Variants in ITGB8 observed in about 807,000 individuals in gnomAD.
ITGB8 encodes the protein integrin subunit beta 8.
A neutral mutation model predicts 89.5 loss-of-function variants in ITGB8; 30 were observed. The ratio of observed to expected loss-of-function variants is 0.34; its 90% CI spans 0.25 to 0.45. The LOEUF (loss-of-function observed/expected upper bound fraction) is 0.45, where lower values mean the gene tolerates loss of function less well. Among genes scored for constraint, ITGB8 ranks in the 20% least tolerant of loss-of-function variants. The pLI, the probability that ITGB8 is intolerant of heterozygous loss-of-function variation, is 1.00. For synonymous variants in ITGB8, 335 were observed against 320.4 expected (o/e 1.05, Z -0.49); for missense variants, 836 against 933.3 (o/e 0.90, Z 1.36).
Position 20,411,446 on chromosome 7 carries a change from T to G in ITGB8, c.*1449T>G, listed in dbSNP as rs573611770. 6.6e-6 allele frequency: 1 copy of G among 152,492 alleles called. No individual in the cohort carries two copies. Among genetic ancestry groups the G allele is most frequent in the Non-Finnish European group, 1.5e-5 (1 of 68,128 alleles). The allele number at this position is 152,492 out of a possible 1,614,324, so 9.4% of individuals were successfully genotyped here. A position where few individuals can be genotyped will look rare whatever the true frequency, so the allele number is the denominator to read the frequency against. On this transcript the variant is annotated 3_prime_UTR_variant, in exon 14 of 14. Transcript: ENST00000222573. Reference sequence around the variant, plus strand: ...TTGGGATTACAGGCATGAGCCACCATGCCAGGCTGCTAATTCTCCTTTTTA... The same window carrying G: ...TTGGGATTACAGGCATGAGCCACCAGGCCAGGCTGCTAATTCTCCTTTTTA...
chr7:20,387,569 A>T (rs1786678194), intron 6 of ITGB8, among the ~76,000 whole-genome samples: 1 of 152,138 alleles, frequency 6.6e-6, no homozygotes, highest in Non-Finnish European at 1.5e-5. Flanking sequence ...TCTCAACTGG[A>T]GTGATTTTAC....
chr7:20,364,137 C>T (rs1162741326), intron 2 of ITGB8, among the ~76,000 whole-genome samples: 1 of 152,076 alleles, frequency 6.6e-6, no homozygotes, highest in Non-Finnish European at 1.5e-5. Flanking sequence ...TAACAAAATT[C>T]TTAGTAAAAC....
intron 1 of ITGB8, among the ~76,000 whole-genome samples, chr7:20,353,967 A>G (rs1785205163): frequency 6.7e-6 from 1 of 148,430 alleles, no homozygotes; most frequent in African/African-American, 2.5e-5. Context: ...GAAAACGGTA[A>G]TCTGTGTTTG....
intron 3 of ITGB8, chr7:20,377,442 C>G (rs1289161619): frequency 6.6e-6 from 1 of 152,214 alleles, no homozygotes; most frequent in Non-Finnish European, 1.5e-5. Context: ...CATCAAGGTT[C>G]AAGTCCCTGA....
In ITGB8 at chr7:20,346,797, GCATGTACATTGAC is replaced by G. The variant is rs562619067; in HGVS notation, c.127+14869_127+14881del. The stretch of plus-strand genomic sequence containing the variant: ...AGGGGGCTCCACAGGCAGAGAGGAG[GCATGTACATTGAC>G]CATGACATAGGACTTTAGGAGAAAA... On this transcript the variant is annotated intron_variant, in intron 1 of 13. Transcript: ENST00000222573. 1.8e-5 allele frequency: 18 copies of G among 985,388 alleles called. No individual in the cohort carries two copies. The African/African-American group carries it at 3.0e-4, about 16-fold the overall frequency. The allele number at this position is 985,388 out of a possible 1,614,324, so 61.0% of individuals were successfully genotyped here. A position where few individuals can be genotyped will look rare whatever the true frequency, so the allele number is the denominator to read the frequency against.
chr7:20,393,377 C>T (rs904055011), intron 7 of ITGB8, among the ~76,000 whole-genome samples: 1 of 152,232 alleles, frequency 6.6e-6, no homozygotes, highest in Non-Finnish European at 1.5e-5. Context: ...ATGCATGCCC[C>T]TGTAGTCACC....
chr7:20,355,060 G>A (rs538462676), intron 1 of ITGB8, among the ~76,000 whole-genome samples: 208 of 152,294 alleles, frequency 1.4e-3, no homozygotes, highest in African/African-American at 4.6e-3. Flanking sequence ...CATTCTGGCC[G>A]TTTATGGCTC....
chr7:20,374,696 A>G (rs1786064503), intron 3 of ITGB8, among the ~76,000 whole-genome samples: 1 of 152,174 alleles, frequency 6.6e-6, no homozygotes, highest in Admixed American at 6.5e-5. Flanking sequence ...AGGAAGGACC[A>G]CAGGCAGGGC....
chr7:20,382,924 A>T (rs1424768810), intron 6 of ITGB8, among the ~76,000 whole-genome samples: 1 of 152,226 alleles, frequency 6.6e-6, no homozygotes, highest in Non-Finnish European at 1.5e-5. Flanking sequence ...ATAGAACGAA[A>T]TGTAATCTTA....
Position 20,365,359 on chromosome 7 carries a change from C to T in ITGB8, c.213+1637C>T, listed in dbSNP as rs996908833. The T allele has an allele frequency of 3.9e-5, 6 of 152,280 alleles. No individual in the cohort carries two copies. The South Asian group carries it at 1.2e-3, about 32-fold the overall frequency. The allele number at this position is 152,280 out of a possible 1,614,324, so 9.4% of individuals were successfully genotyped here. ...AATATTCTATATAGCGCAGTGCAGC[C>T]TAGTTTATGTATTGAAAGAGCAGGC... On this transcript the variant is annotated intron_variant, in intron 2 of 13. Coordinates refer to ENST00000222573, the MANE Select transcript of ITGB8 (RefSeq NM_002214.3).
intron 10 of ITGB8, among the ~76,000 whole-genome samples, chr7:20,403,760 A>G (rs1284498429): frequency 7.2e-6 from 1 of 139,502 alleles, no homozygotes; most frequent in Non-Finnish European, 1.5e-5. Flanking sequence ...AGAAGGAAGG[A>G]AGGGAGGGAA....
Position 20,346,982 on chromosome 7 carries a change from C to T in ITGB8, c.127+15049C>T. On this transcript the variant is annotated intron_variant, in intron 1 of 13. Coordinates refer to ENST00000222573, the MANE Select transcript of ITGB8 (RefSeq NM_002214.3). ...TAAAGGTGGGGCCTTTGGAAAATGACTAGGTCATGAAGATAGGACCCTGGT... is the reference window on the plus strand; with the variant it reads ...TAAAGGTGGGGCCTTTGGAAAATGATTAGGTCATGAAGATAGGACCCTGGT... 7.7e-6 allele frequency: 3 copies of T among 389,642 alleles called. No individual in the cohort carries two copies. The South Asian group carries it at 3.1e-4, about 41-fold the overall frequency. The allele number at this position is 389,642 out of a possible 1,614,324, so 24.1% of individuals were successfully genotyped here.
chr7:20,359,560 ACTGTCCGTGTCTGT>A, intron 1 of ITGB8, among the ~76,000 whole-genome samples: 1 of 152,214 alleles, frequency 6.6e-6, no homozygotes, highest in African/African-American at 2.4e-5. Flanking sequence ...CTGAAGACAG[ACTGTCCGTGTCTGT>A]AAACAGCAGT....
At chr7:20,402,872 A>T (rs1280670447) in intron 10 of ITGB8, among the ~76,000 whole-genome samples, 3 of 152,186 alleles carry the variant, frequency 2.0e-5, no homozygotes, top group Non-Finnish European at 4.4e-5. Context: ...AACTAAAACA[A>T]AATACTGTTT....
In ITGB8 at chr7:20,411,772, G is replaced by T. The variant is rs1245258406; in HGVS notation, c.*1775G>T. 3 of 152,326 alleles carry T rather than the reference G, an allele frequency of 2.0e-5. No individual in the cohort carries two copies. The highest frequency in any genetic ancestry group is 2.0e-4 in the Admixed American group (3 of 15,280). 9.4% of individuals were successfully genotyped at this position (152,326 alleles called of 1,614,324 possible). On this transcript the variant is annotated 3_prime_UTR_variant, in exon 14 of 14. Coordinates refer to ENST00000222573, the MANE Select transcript of ITGB8 (RefSeq NM_002214.3). ...ATGCTAATCAGCTTCTTAAGAGACT[G>T]AAGTATGGCATACCTACAGGGGAAT... is the stretch of plus-strand genomic sequence containing the variant.
intron 6 of ITGB8, among the ~76,000 whole-genome samples, 155 bp from the exon 7 acceptor site, chr7:20,391,248 T>C (rs1003217120): frequency 6.6e-6 from 1 of 152,036 alleles, no homozygotes; most frequent in African/African-American, 2.4e-5. Flanking sequence ...TGGATATTGA[T>C]GTTATGTTTT....
Position 20,361,281 on chromosome 7 carries a change from G to A in ITGB8, c.128-2356G>A, listed in dbSNP as rs10248520. On this transcript the variant is annotated intron_variant, in intron 1 of 13. Transcript: ENST00000222573. ...TGAACTGAAATAGACTTAATTTCAT[G>A]TTTCAGTTGAGTCAAGGCTACAAGT... is the stretch of plus-strand genomic sequence containing the variant. 6.6e-5 allele frequency among the ~76,000 whole-genome samples: 10 copies of A among 152,292 alleles called. No individual in the cohort carries two copies. In the South Asian group the frequency reaches 2.1e-3, roughly 32 times the overall value.
chr7:20,361,424 G>A (rs994307296), intron 1 of ITGB8, among the ~76,000 whole-genome samples: 2 of 152,180 alleles, frequency 1.3e-5, no homozygotes, highest in East Asian at 3.8e-4. Context: ...GGAGGCTGGG[G>A]AGTCCAGGAT....
At chr7:20,373,967 A>G (rs1023522) in intron 3 of ITGB8, among the ~76,000 whole-genome samples, 81,470 of 152,026 alleles carry the variant, frequency 0.54, 22,529 homozygotes, top group South Asian at 0.72. Context: ...ATCACTGGCA[A>G]TAGCTCTAAG....
Sources: allele counts gnomAD v4.1 joint callset (sites outside exome capture counted in the v4.1 genomes callset), GRCh38; gene constraint gnomAD v4.1.1; transcripts MANE v1.5; gene names NCBI Gene and HGNC (gene_info 2026-07-23, HGNC 2026-07-21).